DSG1: variants seen among roughly 807,000 people sequenced by gnomAD.
The protein encoded by DSG1 is desmoglein-1.
In DSG1, 39 loss-of-function variants were observed where a neutral mutation model predicts 97.5. The ratio of observed to expected loss-of-function variants is 0.40; its 90% CI spans 0.31 to 0.52. The LOEUF is 0.52. Among genes scored for constraint, DSG1 ranks in the 20% least tolerant of loss-of-function variants. The pLI is 0.53. For missense variants in DSG1, 1,311 were observed against 1,295.4 expected (o/e 1.01, Z -0.18); for synonymous variants, 475 against 443.4 (o/e 1.07, Z -0.90).
Position 31,354,879 on chromosome 18 carries a change from A to T in DSG1, c.2683A>T (p.Thr895Ser), listed in dbSNP as rs1013156799. 6.2e-7 allele frequency: 1 copy of T among 1,614,074 alleles called. No individual in the cohort carries two copies. Among genetic ancestry groups the T allele is most frequent in the Admixed American group, 1.7e-5 (1 of 60,000 alleles). Residue 895 changes from threonine to serine, a missense_variant, in exon 15 of 15, where the codon ACA becomes TCA. Transcript: ENST00000257192. ...GCGAGATGGGTCGAATGTTATAGTG[A>T]CAGAAAGGGTAATAGCACCAAGCTC... ...DLRDGSNVIV[T>S]ERVIAPSSSL...
intron 6 of DSG1, among the ~76,000 whole-genome samples, chr18:31,332,406 C>CAGGATA (rs1382590849): frequency 6.6e-6 from 1 of 152,066 alleles, no homozygotes; most frequent in Non-Finnish European, 1.5e-5. Context: ...AAATGAACCA[C>CAGGATA]AGGATAAGAA....
intron 1 of DSG1, among the ~76,000 whole-genome samples, chr18:31,319,677 G>C (rs903167333): frequency 6.6e-6 from 1 of 152,130 alleles, no homozygotes; most frequent in Non-Finnish European, 1.5e-5. Context: ...GATCCATTAA[G>C]AGCTATTATA....
At position 31,331,842 on chromosome 18, in the gene DSG1, C is replaced by T. The variant is rs767678194; in HGVS notation, c.659C>T (p.Thr220Met). The change falls in exon 6 of 15, where the codon ACG (threonine) becomes ATG (methionine). Residue 220 changes from threonine to methionine, a missense_variant. Coordinates refer to ENST00000257192, the MANE Select transcript of DSG1 (RefSeq NM_001942.4). ...IINRNTGEIR[T>M]MNNFLDREQY... ...AACAGAAATACTGGAGAAATTCGAA[C>T]GATGAATAATTTTCTAGACAGAGAG... 12 of 1,612,190 alleles carry T rather than the reference C, an allele frequency of 7.4e-6. No homozygotes were observed. Among genetic ancestry groups the T allele is most frequent in the Admixed American group, 3.3e-5 (2 of 59,948 alleles).
intron 14 of DSG1, among the ~76,000 whole-genome samples, chr18:31,347,171 A>G (rs190346231): frequency 2.0e-5 from 3 of 152,356 alleles, no homozygotes; most frequent in South Asian, 2.1e-4. Flanking sequence ...ATATTTTTAA[A>G]TAAAATATTG....
intron 6 of DSG1, among the ~76,000 whole-genome samples, 172 bp from the exon 7 acceptor site, chr18:31,333,417 G>A (rs1420525284): frequency 6.6e-6 from 1 of 152,086 alleles, no homozygotes; most frequent in African/African-American, 2.4e-5. Flanking sequence ...TGCGTGATAA[G>A]TATTATTGGG....
At position 31,343,574 on chromosome 18, in the gene DSG1, T is replaced by C. The variant is rs2071805279; in HGVS notation, c.1812T>C (p.Pro604=). 1.9e-6 allele frequency: 3 copies of C among 1,614,122 alleles called. No individual in the cohort carries two copies. The highest frequency in any genetic ancestry group is 2.5e-6 in the Non-Finnish European group (3 of 1,180,012). ...IHSWAVEGPQ[P]EPRDITTVIP... Reference sequence around the variant, plus strand: ...CATGGGCAGTAGAAGGACCACAGCCTGAACCCAGGGTAAGTGCCACATTCT... The same window carrying C: ...CATGGGCAGTAGAAGGACCACAGCCCGAACCCAGGGTAAGTGCCACATTCT... The change falls in exon 12 of 15, where the codon CCT becomes CCC. Residue 604 remains proline, a synonymous_variant. Coordinates refer to ENST00000257192, the MANE Select transcript of DSG1 (RefSeq NM_001942.4).
At chr18:31,336,331 C>T (rs746958834) in intron 8 of DSG1, 23 bp from the exon 9 acceptor site, 7 of 1,600,030 alleles carry the variant, frequency 4.4e-6, no homozygotes, top group Non-Finnish European at 6.0e-6. Flanking sequence ...TATAATGAAA[C>T]TATTTTACTC....
intron 3 of DSG1, 100 bp from the exon 4 acceptor site, chr18:31,328,089 C>T (rs1240191286): frequency 1.6e-6 from 2 of 1,238,988 alleles, no homozygotes; most frequent in Non-Finnish European, 2.3e-6. Context: ...TCCTAAATAA[C>T]AAGGTCATCA....
chr18:31,327,275 A>C (rs2071691709), intron 3 of DSG1, among the ~76,000 whole-genome samples: 1 of 152,198 alleles, frequency 6.6e-6, no homozygotes, highest in Non-Finnish European at 1.5e-5. Context: ...AAAAAAGATC[A>C]TTATTTTAAT....
intron 12 of DSG1, 41 bp downstream of exon 12, chr18:31,343,624 G>A: frequency 6.2e-7 from 1 of 1,613,992 alleles, no homozygotes; most frequent in East Asian, 2.2e-5. Flanking sequence ...GGTAGTCACT[G>A]AAATTCAGTC....
chr18:31,340,334 T>C (rs954454249), intron 11 of DSG1, among the ~76,000 whole-genome samples: 1 of 151,228 alleles, frequency 6.6e-6, no homozygotes, highest in Admixed American at 6.6e-5. Context: ...GGGCGGGGTG[T>C]GGTGGCTCAT....
chr18:31,324,962 C>G (rs2071676788), intron 1 of DSG1, among the ~76,000 whole-genome samples: 1 of 152,206 alleles, frequency 6.6e-6, no homozygotes, highest in South Asian at 2.1e-4. Flanking sequence ...ATTTAGTCTA[C>G]TCTTGTCATT....
intron 11 of DSG1, 47 bp from the exon 12 acceptor site, chr18:31,343,403 A>T (rs753295658): frequency 2.5e-6 from 4 of 1,613,222 alleles, no homozygotes; most frequent in Non-Finnish European, 3.4e-6. Flanking sequence ...TTTGTTTTTT[A>T]TTTGCACCCA....
chr18:31,326,813 G>A (rs1462221745), intron 2 of DSG1, 61 bp from the exon 3 acceptor site: 9 of 1,581,442 alleles, frequency 5.7e-6, no homozygotes, highest in Non-Finnish European at 7.8e-6. Flanking sequence ...AAAAATCTCA[G>A]TGGAATTTGA....
intron 1 of DSG1, among the ~76,000 whole-genome samples, chr18:31,321,275 A>C (rs1385010563): frequency 6.6e-6 from 1 of 152,106 alleles, no homozygotes; most frequent in Non-Finnish European, 1.5e-5. Flanking sequence ...AACTTACTTG[A>C]AGACATCTTA....
At chr18:31,320,267 T>C (rs1005486779) in intron 1 of DSG1, among the ~76,000 whole-genome samples, 2 of 152,186 alleles carry the variant, frequency 1.3e-5, no homozygotes, top group African/African-American at 4.8e-5. Context: ...AGTCTCATTA[T>C]AAATGCATGC....
At chr18:31,338,885 A>C (rs16961683) in intron 10 of DSG1, among the ~76,000 whole-genome samples, 3,861 of 152,292 alleles carry the variant, frequency 0.025, 164 homozygotes, top group African/African-American at 0.087. Context: ...TTTCTGTTAT[A>C]TACTTCCAGA....
At chr18:31,325,615 T>C (rs79351927) in intron 1 of DSG1, among the ~76,000 whole-genome samples, 431 of 152,306 alleles carry the variant, frequency 2.8e-3, no homozygotes, top group Non-Finnish European at 4.5e-3. Flanking sequence ...CTTTTTTTTT[T>C]CTTCATGCTG....
chr18:31,325,826 T>C (rs2071682193), intron 1 of DSG1, among the ~76,000 whole-genome samples: 2 of 152,190 alleles, frequency 1.3e-5, no homozygotes, highest in Admixed American at 6.5e-5. Context: ...CTAAATTGTA[T>C]TGAATTATAT....
Sources: gnomAD v4.1 joint callset for allele counts (sites outside exome capture counted in the v4.1 genomes callset) on GRCh38, gnomAD v4.1.1 for gene constraint, MANE v1.5 for transcripts, NCBI Gene and HGNC (gene_info 2026-07-23, HGNC 2026-07-21) for gene names.